NKAIN3: variants seen among roughly 807,000 people sequenced by gnomAD.
NKAIN3 encodes sodium/potassium transporting ATPase interacting 3, also known as sodium/potassium-transporting ATPase subunit beta-1-interacting protein 3.
NKAIN3 carries 25 observed loss-of-function variants against 30.2 expected under a neutral mutation model. That is an observed-to-expected ratio of 0.83 (90% confidence interval 0.60 to 1.16). The LOEUF (loss-of-function observed/expected upper bound fraction) is 1.16. Among genes scored for constraint, NKAIN3 ranks in the 50% most tolerant of loss-of-function variants. The probability of loss-of-function intolerance (pLI) is 0.00; values close to 1 mark genes in which losing one functional copy is unlikely to be tolerated. For missense variants in NKAIN3, 225 were observed against 254.1 expected (o/e 0.89, Z 0.78); for synonymous variants, 91 against 89.6 (o/e 1.02, Z -0.09).
At chr8:62,359,197 CT>C (rs1816463601) in intron 1 of NKAIN3, among the ~76,000 whole-genome samples, 1 of 152,054 alleles carries the variant, frequency 6.6e-6, no homozygotes, top group Non-Finnish European at 1.5e-5. Flanking sequence ...ATATATATTA[CT>C]AGTTCCCATC....
At chr8:62,654,588 T>C (rs1279662016) in intron 3 of NKAIN3, among the ~76,000 whole-genome samples, 1 of 152,166 alleles carries the variant, frequency 6.6e-6, no homozygotes, top group African/African-American at 2.4e-5. Flanking sequence ...CTCTTAATGG[T>C]TCCACAGTAG....
intron 1 of NKAIN3, among the ~76,000 whole-genome samples, chr8:62,259,908 G>A (rs1350742515): frequency 6.6e-6 from 1 of 152,106 alleles, no homozygotes; most frequent in Admixed American, 6.5e-5. Context: ...AGGAGTTGGA[G>A]TACTGACAAG....
intron 1 of NKAIN3, among the ~76,000 whole-genome samples, chr8:62,375,253 A>G (rs1157625072): frequency 6.6e-6 from 1 of 152,202 alleles, no homozygotes; most frequent in East Asian, 1.9e-4. Flanking sequence ...TATTCTTCAC[A>G]TAGTGTGAAG....
intron 3 of NKAIN3, among the ~76,000 whole-genome samples, chr8:62,704,959 G>A (rs1049518374): frequency 1.3e-5 from 2 of 152,096 alleles, no homozygotes; most frequent in East Asian, 1.9e-4. Flanking sequence ...TTTTCTTTAG[G>A]AGGGGTTTTA....
chr8:62,319,419 A>G (rs549511533), intron 1 of NKAIN3, among the ~76,000 whole-genome samples: 1 of 151,838 alleles, frequency 6.6e-6, no homozygotes, highest in African/African-American at 2.4e-5. Flanking sequence ...TTTAATTGTG[A>G]TGTTAGGGTC....
At chr8:62,738,027 A>G (rs1286423992) in intron 3 of NKAIN3, among the ~76,000 whole-genome samples, 2 of 152,166 alleles carry the variant, frequency 1.3e-5, no homozygotes, top group Non-Finnish European at 2.9e-5. Context: ...TTAGGTATAT[A>G]CCCAGTAATA....
intron 4 of NKAIN3, among the ~76,000 whole-genome samples, chr8:62,878,543 T>G (rs932905926): frequency 6.6e-6 from 1 of 152,072 alleles, no homozygotes; most frequent in African/African-American, 2.4e-5. Flanking sequence ...CTTTAAGTTT[T>G]AGGGTACATG....
intron 1 of NKAIN3, among the ~76,000 whole-genome samples, chr8:62,469,682 C>T (rs952412601): frequency 6.6e-6 from 1 of 152,138 alleles, no homozygotes; most frequent in Non-Finnish European, 1.5e-5. Context: ...CAGGCATGGT[C>T]CCTTCCATCC....
At chr8:62,893,663 C>T (rs62512466) in intron 4 of NKAIN3, among the ~76,000 whole-genome samples, 42 of 54,674 alleles carry the variant, frequency 7.7e-4, no homozygotes, top group Middle Eastern at 0.01. Context: ...TGTGTGTGTG[C>T]GTGCACACAT....
chr8:62,522,050 G>A (rs1196652682), intron 1 of NKAIN3, among the ~76,000 whole-genome samples: 1 of 152,100 alleles, frequency 6.6e-6, no homozygotes, highest in Non-Finnish European at 1.5e-5. Flanking sequence ...AAAGGTGAGA[G>A]TGAACAGTCT....
chr8:62,597,492 G>C (rs1810868526), intron 3 of NKAIN3, among the ~76,000 whole-genome samples: 1 of 151,846 alleles, frequency 6.6e-6, no homozygotes, highest in Non-Finnish European at 1.5e-5. Context: ...TTTGTTAATA[G>C]GGTTTGTCTT....
intron 5 of NKAIN3, among the ~76,000 whole-genome samples, chr8:62,995,248 G>C (rs1804083372): frequency 6.6e-6 from 1 of 152,198 alleles, no homozygotes; most frequent in South Asian, 2.1e-4. Flanking sequence ...AATTAGATGG[G>C]CGTGGCAGAA....
At chr8:62,363,872 A>G (rs1373723207) in intron 1 of NKAIN3, among the ~76,000 whole-genome samples, 1 of 152,182 alleles carries the variant, frequency 6.6e-6, no homozygotes, top group Non-Finnish European at 1.5e-5. Flanking sequence ...CAAGCAGAAA[A>G]ATATGAATTA....
chr8:62,324,782 A>G (rs770693256), intron 1 of NKAIN3, among the ~76,000 whole-genome samples: 31 of 152,218 alleles, frequency 2.0e-4, no homozygotes, highest in Non-Finnish European at 2.6e-4. Flanking sequence ...AATAAGTCAC[A>G]GTATCCTACC....
intron 1 of NKAIN3, among the ~76,000 whole-genome samples, chr8:62,403,595 C>T (rs1170253277): frequency 1.3e-5 from 2 of 152,322 alleles, no homozygotes; most frequent in South Asian, 2.1e-4. Context: ...TGGCAGCTAC[C>T]ATGCGGTATT....
At chr8:62,870,786 G>T (rs780833681) in intron 4 of NKAIN3, among the ~76,000 whole-genome samples, 1 of 145,990 alleles carries the variant, frequency 6.8e-6, no homozygotes, top group Non-Finnish European at 1.5e-5. Flanking sequence ...GATATATATT[G>T]TATTGGGTCT....
At chr8:62,463,648 T>C (rs1302010946) in intron 1 of NKAIN3, among the ~76,000 whole-genome samples, 2 of 152,196 alleles carry the variant, frequency 1.3e-5, no homozygotes, top group East Asian at 3.8e-4. Context: ...TTGCTTTGTG[T>C]GTATTTGTTG....
chr8:62,740,093 C>T (rs2130566774), intron 3 of NKAIN3, among the ~76,000 whole-genome samples: 1 of 152,224 alleles, frequency 6.6e-6, no homozygotes, highest in African/African-American at 2.4e-5. Flanking sequence ...ACCTATCAAT[C>T]ACTCTATTTG....
At chr8:62,833,782 T>C (rs1337257963) in intron 4 of NKAIN3, among the ~76,000 whole-genome samples, 1 of 151,884 alleles carries the variant, frequency 6.6e-6, no homozygotes, top group Non-Finnish European at 1.5e-5. Flanking sequence ...ATGAAACTAT[T>C]CAAAAAAATT....
Sources: gnomAD v4.1 joint callset for allele counts (sites outside exome capture counted in the v4.1 genomes callset) on GRCh38, gnomAD v4.1.1 for gene constraint, MANE v1.5 for transcripts, NCBI Gene and HGNC (gene_info 2026-07-23, HGNC 2026-07-21) for gene names.